SIVA1: variants seen among roughly 807,000 people sequenced by gnomAD.
SIVA1 encodes SIVA1 apoptosis inducing factor.
A neutral mutation model predicts 19.7 loss-of-function variants in SIVA1; 10 were observed. The observed-to-expected ratio is 0.51, with a 90% CI of 0.31 to 0.86. The LOEUF (loss-of-function observed/expected upper bound fraction) is 0.86, where lower values mean the gene tolerates loss of function less well. SIVA1 is among the 40% of genes least tolerant of loss of function. The pLI is 0.04. For missense variants in SIVA1, 241 were observed against 245.2 expected (o/e 0.98, Z 0.11); for synonymous variants, 130 against 106.1 (o/e 1.23, Z -1.39).
rs1214796222 is a variant in SIVA1 at position 104,757,246 on chromosome 14, T to G, written c.470+486T>G. On this transcript the variant is annotated intron_variant, in intron 3 of 3. Coordinates refer to ENST00000329967, the MANE Select transcript of SIVA1 (RefSeq NM_006427.4). ...GCTGGCTGGATCCCGTCCTTACTCC[T>G]AAGGTGGGGAGGGGCGTTCTCACCC... The G allele has an allele frequency of 3.6e-5, 15 of 412,984 alleles. 1 individual carries two copies. The highest frequency in any genetic ancestry group is 2.1e-4 in the Admixed American group (7 of 33,822). 25.6% of individuals were successfully genotyped at this position (412,984 alleles called of 1,614,324 possible).
chr14:104,755,832 G>C lies in SIVA1; in HGVS notation c.313+8G>C. 1 of 1,611,278 alleles carries C rather than the reference G, an allele frequency of 6.2e-7. No homozygotes were observed. Among genetic ancestry groups the C allele is most frequent in the Non-Finnish European group, 8.5e-7 (1 of 1,178,618 alleles). On this transcript the variant is annotated splice_region_variant and intron_variant, in intron 2 of 3. Coordinates refer to ENST00000329967, the MANE Select transcript of SIVA1 (RefSeq NM_006427.4). Reference sequence around the variant, plus strand: ...GGCAGGCCTCCGAAGCTGGTGAGTGGCACCAGCAGCCCTTTGTGGCTGTGG... The same window carrying C: ...GGCAGGCCTCCGAAGCTGGTGAGTGCCACCAGCAGCCCTTTGTGGCTGTGG...
At position 104,753,150 on chromosome 14, in the gene SIVA1, G is replaced by T; in HGVS notation, c.-52G>T. 8.1e-7 allele frequency: 1 copy of T among 1,237,836 alleles called. No homozygotes were observed. The highest frequency in any genetic ancestry group is 2.6e-5 in the East Asian group (1 of 38,250). The allele number at this position is 1,237,836 out of a possible 1,614,324, so 76.7% of individuals were successfully genotyped here. Reference sequence around the variant, plus strand: ...CGCGCAGCTGTGACGTCACGGCGTCGTTGGTAAGGGGCTGGCGGCCGGGGA... The same window carrying T: ...CGCGCAGCTGTGACGTCACGGCGTCTTTGGTAAGGGGCTGGCGGCCGGGGA... On this transcript the variant is annotated 5_prime_UTR_variant, in exon 1 of 4. Transcript: ENST00000329967.
chr14:104,753,207 C>T lies in SIVA1; in HGVS notation c.6C>T (p.Pro2=). Residue 2 remains proline (P), a synonymous_variant, in exon 1 of 4, where the codon CCC becomes CCT. Transcript: ENST00000329967. ...TAGCTCCCGGCCCCGCGGCCATGCC[C>T]AAGCGGAGCTGCCCCTTCGCGGACG... M[P]KRSCPFADVA... 2 of 1,571,748 alleles carry T rather than the reference C, an allele frequency of 1.3e-6. No individual in the cohort carries two copies. Among genetic ancestry groups the T allele is most frequent in the Non-Finnish European group, 1.7e-6 (2 of 1,161,632 alleles).
At chr14:104,755,529 G>A in intron 1 of SIVA1, 101 bp from the exon 2 acceptor site, 1 of 1,078,178 alleles carries the variant, frequency 9.3e-7, no homozygotes, top group Non-Finnish European at 1.4e-6. Flanking sequence ...GGGCACACAG[G>A]AGGACGATGG....
At chr14:104,756,866 C>T in intron 3 of SIVA1, 106 bp downstream of exon 3, 1 of 1,276,992 alleles carries the variant, frequency 7.8e-7, no homozygotes, top group Non-Finnish European at 1.1e-6. Context: ...ACGTGTGGCC[C>T]CTGATGCAGT....
intron 2 of SIVA1, chr14:104,756,137 G>C: frequency 2.0e-6 from 1 of 508,120 alleles, no homozygotes; most frequent in Admixed American, 3.3e-5. Flanking sequence ...TCCCTATGCA[G>C]TGTGGGGTCT....
At chr14:104,757,092 G>C (rs1891917695) in intron 3 of SIVA1, 1 of 397,514 alleles carries the variant, frequency 2.5e-6, no homozygotes, top group Non-Finnish European at 4.7e-6. Flanking sequence ...CGTCCGAGGA[G>C]CCCCTGGTTG....
intron 2 of SIVA1, chr14:104,756,059 T>G: frequency 7.8e-6 from 5 of 640,392 alleles, no homozygotes; most frequent in Non-Finnish European, 1.1e-5. Flanking sequence ...ACTCCCCGGG[T>G]ATCCCGTCTG....
At chr14:104,753,410 C>T (rs1013799623) in intron 1 of SIVA1, 91 bp downstream of exon 1, 6 of 828,068 alleles carry the variant, frequency 7.2e-6, no homozygotes, top group Non-Finnish European at 1.1e-5. Flanking sequence ...GAGCGGGGGG[C>T]TGGAGGGCCC....
At chr14:104,755,122 G>T (rs533200531) in intron 1 of SIVA1, among the ~76,000 whole-genome samples, 3 of 152,314 alleles carry the variant, frequency 2.0e-5, no homozygotes, top group East Asian at 1.9e-4. Flanking sequence ...GGTGAAGGGG[G>T]TGTGCTCTGG....
chr14:104,754,119 G>T (rs768672782), intron 1 of SIVA1, among the ~76,000 whole-genome samples: 2 of 152,186 alleles, frequency 1.3e-5, no homozygotes, highest in African/African-American at 4.8e-5. Flanking sequence ...GCTTTCTCCT[G>T]TGGATTTCAG....
In SIVA1 at chr14:104,753,297, G is replaced by T; in HGVS notation, c.96G>T (p.Glu32Asp). The T allele has an allele frequency of 6.2e-7, 1 of 1,601,018 alleles. No homozygotes were observed. ...QRELSRGVCA[E>D]RYSQEVFEKT... ...AGTTGAGCCGCGGCGTGTGCGCCGA[G>T]CGCTACTCGCAGGAGGTCTTCGGTG... Residue 32 changes from glutamate to aspartate, a missense_variant, in exon 1 of 4, where the codon GAG becomes GAT. Transcript: ENST00000329967.
chr14:104,755,354 G>A (rs534179828), intron 1 of SIVA1, among the ~76,000 whole-genome samples: 2 of 152,328 alleles, frequency 1.3e-5, no homozygotes, highest in South Asian at 4.1e-4. Context: ...ATAGGAGAGG[G>A]AACCCTTGCA....
In SIVA1 at chr14:104,757,864, C is replaced by A. The variant is rs141372772; in HGVS notation, c.470+1104C>A. The A allele has an allele frequency of 5.2e-3, 792 of 152,754 alleles. 8 individuals carry two copies. Among genetic ancestry groups the A allele is most frequent in the Middle Eastern group, 0.024 (7 of 294 alleles). The allele number at this position is 152,754 out of a possible 1,614,324, so 9.5% of individuals were successfully genotyped here. On this transcript the variant is annotated intron_variant, in intron 3 of 3. Transcript: ENST00000329967. ...ACCATCCTTGAGGGACTCCCTTGCG[C>A]CCATTTCCTCCTGGCCTCTACCTAC...
chr14:104,756,931 T>C (rs1191230418), intron 3 of SIVA1, 171 bp downstream of exon 3: 6 of 703,324 alleles, frequency 8.5e-6, no homozygotes, highest in Non-Finnish European at 1.4e-5. Context: ...GGCCCAACTT[T>C]AGTGGTTAGT....
chr14:104,753,409 G>T (rs1595222803), intron 1 of SIVA1, 90 bp downstream of exon 1: 7 of 864,322 alleles, frequency 8.1e-6, no homozygotes, highest in Non-Finnish European at 1.2e-5. Flanking sequence ...TGAGCGGGGG[G>T]CTGGAGGGCC....
At chr14:104,756,796 A>G in intron 3 of SIVA1, 36 bp downstream of exon 3, 16 of 1,575,250 alleles carry the variant, frequency 1.0e-5, no homozygotes, top group Non-Finnish European at 1.3e-5. Flanking sequence ...CTGAGATCCC[A>G]TAGCCCCAGC....
intron 1 of SIVA1, 144 bp downstream of exon 1, chr14:104,753,463 G>GAC: frequency 3.4e-6 from 2 of 593,654 alleles, no homozygotes; most frequent in East Asian, 6.4e-5. Flanking sequence ...AGGCCGCGGG[G>GAC]ACACAAGCTG....
intron 1 of SIVA1, among the ~76,000 whole-genome samples, chr14:104,755,326 C>T (rs1891846046): frequency 6.6e-6 from 1 of 152,150 alleles, no homozygotes; most frequent in Non-Finnish European, 1.5e-5. Flanking sequence ...CCGTGAATTG[C>T]AGAAAATGAG....
Sources: gnomAD v4.1 joint callset for allele counts (sites outside exome capture counted in the v4.1 genomes callset) on GRCh38, gnomAD v4.1.1 for gene constraint, MANE v1.5 for transcripts, NCBI Gene and HGNC (gene_info 2026-07-23, HGNC 2026-07-21) for gene names.